Variants in LRMDA observed in about 807,000 individuals in gnomAD.
LRMDA encodes leucine rich melanocyte differentiation associated.
In LRMDA, 18 loss-of-function variants were observed where a neutral mutation model predicts 29.8. The ratio of observed to expected loss-of-function variants is 0.60; its 90% CI spans 0.42 to 0.90. LRMDA has a LOEUF of 0.90. LRMDA is among the 40% of genes least tolerant of loss of function. LRMDA has a pLI of 0.00. For synonymous variants in LRMDA, 125 were observed against 109.4 expected, an observed-to-expected ratio of 1.14 and a Z score of -0.89; for missense variants, 273 against 273.9, an observed-to-expected ratio of 1.00 and a Z score of 0.02.
rs548980945 is a variant in LRMDA at position 76,117,528 on chromosome 10, A to C, written c.516+58745A>C. On this transcript the variant is annotated intron_variant, in intron 5 of 6. Coordinates refer to ENST00000611255, the MANE Select transcript of LRMDA (RefSeq NM_001305581.2). ...AAATGTTCATTAGCTTCAGAGCTCT[A>C]GTATATGATTTTTGTCATGGGTTTC... Among the ~76,000 whole-genome samples, 14 of 152,346 alleles carry C rather than the reference A, an allele frequency of 9.2e-5. No homozygotes were observed. In the South Asian group the frequency reaches 2.5e-3, roughly 27 times the overall value.
At position 75,802,968 on chromosome 10, in the gene LRMDA, ATATATT is replaced by A. The variant is rs72190744; in HGVS notation, c.132-233038_132-233033del. Among the ~76,000 whole-genome samples, 520 of 120,202 alleles carry A rather than the reference ATATATT, an allele frequency of 4.3e-3. 2 individuals are homozygous for A. Among genetic ancestry groups the A allele is most frequent in the African/African-American group, 0.013 (337 of 26,640 alleles). 78.9% of individuals were successfully genotyped at this position (120,202 alleles called of 152,430 possible). On this transcript the variant is annotated intron_variant, in intron 2 of 6. Transcript: ENST00000611255. ...TGTGTGTGTGTGTATATATATATAT[ATATATT>A]TTTTTTTTTTTCTTAGCTCCCTTTA...
chr10:76,202,535 A>G (rs889401096), intron 5 of LRMDA, among the ~76,000 whole-genome samples: 1 of 152,126 alleles, frequency 6.6e-6, no homozygotes, highest in African/African-American at 2.4e-5. Flanking sequence ...CTGTTTGGAA[A>G]AGAATTTTAA....
intron 2 of LRMDA, among the ~76,000 whole-genome samples, chr10:75,551,516 A>G (rs1840147329): frequency 6.7e-6 from 1 of 149,890 alleles, no homozygotes; most frequent in Non-Finnish European, 1.5e-5. Flanking sequence ...CCAGTGTGTG[A>G]TGTTCCCCTC....
At chr10:76,355,489 A>T (rs1589148895) in intron 6 of LRMDA, among the ~76,000 whole-genome samples, 1 of 152,224 alleles carries the variant, frequency 6.6e-6, no homozygotes, top group Non-Finnish European at 1.5e-5. Flanking sequence ...GCCAACAACT[A>T]TACCTGATGT....
chr10:76,216,319 G>A (rs1157042428), intron 5 of LRMDA, among the ~76,000 whole-genome samples: 1 of 152,168 alleles, frequency 6.6e-6, no homozygotes, highest in Non-Finnish European at 1.5e-5. Context: ...TCATGCCACT[G>A]TACTCCAGCC....
At chr10:76,379,322 T>C (rs771182184) in intron 6 of LRMDA, among the ~76,000 whole-genome samples, 5 of 152,096 alleles carry the variant, frequency 3.3e-5, no homozygotes, top group South Asian at 2.1e-4. Flanking sequence ...CTAGAATGTG[T>C]GGTAGAATTC....
At chr10:76,266,028 C>T (rs1840002804) in intron 5 of LRMDA, among the ~76,000 whole-genome samples, 2 of 152,150 alleles carry the variant, frequency 1.3e-5, no homozygotes, top group East Asian at 1.9e-4. Context: ...TCCTGGCCAT[C>T]ACCCTTAATC....
intron 2 of LRMDA, among the ~76,000 whole-genome samples, chr10:75,852,289 A>G (rs940214794): frequency 6.6e-6 from 1 of 152,238 alleles, no homozygotes; most frequent in Non-Finnish European, 1.5e-5. Flanking sequence ...GTTCATTGTA[A>G]AGAGTTGTTG....
At chr10:75,740,282 G>T (rs896719461) in intron 2 of LRMDA, among the ~76,000 whole-genome samples, 3 of 152,234 alleles carry the variant, frequency 2.0e-5, no homozygotes, top group Non-Finnish European at 2.9e-5. Flanking sequence ...TGGAGGCTGA[G>T]GGGCAGCGGC....
At position 75,618,055 on chromosome 10, in the gene LRMDA, A is replaced by G. The variant is rs191482967; in HGVS notation, c.131+179561A>G. Among the ~76,000 whole-genome samples, 46 of 152,302 alleles carry G rather than the reference A, an allele frequency of 3.0e-4. No homozygotes were observed. In the East Asian group the frequency reaches 7.9e-3, roughly 26 times the overall value. On this transcript the variant is annotated intron_variant, in intron 2 of 6. Coordinates refer to ENST00000611255, the MANE Select transcript of LRMDA (RefSeq NM_001305581.2). ...AATATCAACACACTGTACTCATCTA[A>G]GGGATATTCTTTGGGAATTAATCAT...
chr10:75,533,356 T>C (rs771389535), intron 2 of LRMDA, among the ~76,000 whole-genome samples: 1 of 152,178 alleles, frequency 6.6e-6, no homozygotes, highest in South Asian at 2.1e-4. Flanking sequence ...AGGTAACAAT[T>C]AGGGGTGGGG....
intron 2 of LRMDA, among the ~76,000 whole-genome samples, chr10:75,805,199 C>T (rs1276642926): frequency 2.0e-5 from 3 of 152,220 alleles, no homozygotes; most frequent in Admixed American, 1.3e-4. Flanking sequence ...CTGAAGTGAA[C>T]GGGGTTCCTT....
chr10:76,304,616 A>T (rs1038615966), intron 5 of LRMDA, among the ~76,000 whole-genome samples: 3 of 152,118 alleles, frequency 2.0e-5, no homozygotes, highest in Admixed American at 2.0e-4. Flanking sequence ...ATGTGGACTT[A>T]TTGTTATCCT....
intron 2 of LRMDA, among the ~76,000 whole-genome samples, chr10:75,546,929 T>G (rs1260466486): frequency 6.6e-6 from 1 of 152,200 alleles, no homozygotes; most frequent in East Asian, 1.9e-4. Flanking sequence ...ATTCCCATTT[T>G]ACAGATGGAA....
At chr10:76,260,503 T>C (rs1222214494) in intron 5 of LRMDA, among the ~76,000 whole-genome samples, 1 of 152,194 alleles carries the variant, frequency 6.6e-6, no homozygotes, top group Non-Finnish European at 1.5e-5. Context: ...ACTTTGAATA[T>C]GTCATCCCAT....
At chr10:76,023,089 A>G (rs1589292661) in intron 2 of LRMDA, among the ~76,000 whole-genome samples, 1 of 151,120 alleles carries the variant, frequency 6.6e-6, no homozygotes, top group East Asian at 1.9e-4. Context: ...TTTTTTTAAG[A>G]ATTAATTTTA....
At chr10:76,084,046 C>T (rs561317740) in intron 5 of LRMDA, among the ~76,000 whole-genome samples, 69 of 152,008 alleles carry the variant, frequency 4.5e-4, no homozygotes, top group Non-Finnish European at 9.0e-4. Flanking sequence ...CATTCATGAA[C>T]GGAGGAAGAC....
At chr10:76,305,284 T>A (rs1840539781) in intron 5 of LRMDA, among the ~76,000 whole-genome samples, 1 of 152,144 alleles carries the variant, frequency 6.6e-6, no homozygotes, top group African/African-American at 2.4e-5. Context: ...GCCCTTTCTA[T>A]CTTATAATTG....
At chr10:76,106,535 A>C (rs1849487861) in intron 5 of LRMDA, among the ~76,000 whole-genome samples, 1 of 152,110 alleles carries the variant, frequency 6.6e-6, no homozygotes, top group Non-Finnish European at 1.5e-5. Flanking sequence ...GCTAATTCTC[A>C]GTGATTGTGT....
Sources: gnomAD v4.1 joint callset for allele counts (sites outside exome capture counted in the v4.1 genomes callset) on GRCh38, gnomAD v4.1.1 for gene constraint, MANE v1.5 for transcripts, NCBI Gene and HGNC (gene_info 2026-07-23, HGNC 2026-07-21) for gene names.